Variants in IL1RAPL2 observed in about 807,000 individuals in gnomAD.
IL1RAPL2 encodes X-linked interleukin-1 receptor accessory protein-like 2.
In IL1RAPL2, 3 loss-of-function variants were observed where a neutral mutation model predicts 44.1. The observed-to-expected ratio is 0.07, with a 90% CI of 0.03 to 0.18. IL1RAPL2 has a LOEUF of 0.18. Ranked by LOEUF, IL1RAPL2 falls within the 10% of genes least tolerant of loss-of-function variation. IL1RAPL2 has a pLI of 1.00. For synonymous variants in IL1RAPL2, 181 were observed against 178.8 expected, an observed-to-expected ratio of 1.01 and a Z score of -0.10; for missense variants, 391 against 496.4, an observed-to-expected ratio of 0.79 and a Z score of 2.02.
At chrX:105,261,696 G>C (rs2034361108) in intron 4 of IL1RAPL2, among the ~76,000 whole-genome samples, 1 of 111,362 alleles carries the variant, frequency 9.0e-6, no homozygotes, top group Admixed American at 9.6e-5. Context: ...TCTTTCTGGT[G>C]TCCTTGTTTT....
At chrX:104,933,024 T>C (rs1468274715) in intron 2 of IL1RAPL2, among the ~76,000 whole-genome samples, 1 of 111,730 alleles carries the variant, frequency 9.0e-6, no homozygotes, top group Non-Finnish European at 1.9e-5. Flanking sequence ...ATGCTGATAA[T>C]TTGGATTGAC....
At chrX:105,142,196 CT>C (rs1376075059) in intron 2 of IL1RAPL2, among the ~76,000 whole-genome samples, 1 of 111,912 alleles carries the variant, frequency 8.9e-6, no homozygotes, top group African/African-American at 3.3e-5. Context: ...TATCTCCATC[CT>C]GATGATCCTA....
intron 2 of IL1RAPL2, among the ~76,000 whole-genome samples, chrX:104,929,856 A>G (rs73635167): frequency 3.1e-3 from 345 of 112,150 alleles, no homozygotes; most frequent in African/African-American, 0.011. Context: ...GCTTATAGAA[A>G]TGATGCCCTT....
intron 5 of IL1RAPL2, among the ~76,000 whole-genome samples, chrX:105,273,922 T>C (rs1268295725): frequency 8.9e-6 from 1 of 111,768 alleles, no homozygotes. Flanking sequence ...AACTAAAACT[T>C]AGGTGAAATG....
intron 5 of IL1RAPL2, among the ~76,000 whole-genome samples, chrX:105,289,835 T>C (rs772143301): frequency 2.7e-5 from 3 of 111,664 alleles, no homozygotes; most frequent in African/African-American, 9.8e-5. Flanking sequence ...ATCTATGATA[T>C]CACTGAAGAA....
chrX:104,814,504 A>T (rs933041511), intron 2 of IL1RAPL2, among the ~76,000 whole-genome samples: 1 of 112,472 alleles, frequency 8.9e-6, no homozygotes, highest in Non-Finnish European at 1.9e-5. Flanking sequence ...GCAGGCATGC[A>T]GTTTAGCCAC....
chrX:105,660,476 A>G (rs1046662137), intron 6 of IL1RAPL2, among the ~76,000 whole-genome samples: 5 of 111,507 alleles, frequency 4.5e-5, no homozygotes, highest in Non-Finnish European at 1.9e-5. Context: ...AAAAACACAG[A>G]ATATTACAAT....
chrX:104,566,381 C>T lies in IL1RAPL2; in HGVS notation c.-690C>T, dbSNP rs1928030249. On this transcript the variant is annotated 5_prime_UTR_variant, in exon 1 of 11. Transcript: ENST00000372582. ...TTCGGAACTAAGGGAGACTTGTGGG[C>T]TTTTGCACACTGGCTGTAGGGTTCC... The T allele has an allele frequency of 8.8e-6, 1 of 113,002 alleles. No individual in the cohort carries two copies. The highest frequency in any genetic ancestry group is 3.6e-4 in the South Asian group (1 of 2,764). 9.3% of individuals were successfully genotyped at this position (113,002 alleles called of 1,213,427 possible).
At chrX:105,141,423 G>A (rs1454721177) in intron 2 of IL1RAPL2, among the ~76,000 whole-genome samples, 2 of 110,659 alleles carry the variant, frequency 1.8e-5, no homozygotes, top group Non-Finnish European at 3.8e-5. Context: ...TCTTAAATTT[G>A]CAACTCAAAA....
At chrX:105,441,753 T>C (rs191302034) in intron 5 of IL1RAPL2, among the ~76,000 whole-genome samples, 1 of 111,851 alleles carries the variant, frequency 8.9e-6, no homozygotes, top group African/African-American at 3.2e-5. Context: ...CTGGATCTTA[T>C]GTAGAAGTAA....
chrX:105,655,219 C>A (rs1269848834), intron 6 of IL1RAPL2, among the ~76,000 whole-genome samples: 2 of 112,388 alleles, frequency 1.8e-5, no homozygotes, highest in Non-Finnish European at 3.8e-5. Flanking sequence ...GTGCTGGAAG[C>A]AAACATCTAT....
chrX:105,182,281 C>G (rs1429521051), intron 2 of IL1RAPL2, among the ~76,000 whole-genome samples: 1 of 110,652 alleles, frequency 9.0e-6, no homozygotes, highest in Admixed American at 9.6e-5. Context: ...TCCTTTAGAT[C>G]TAATAATATT....
At chrX:104,980,527 T>A (rs1488448104) in intron 2 of IL1RAPL2, among the ~76,000 whole-genome samples, 2 of 112,718 alleles carry the variant, frequency 1.8e-5, no homozygotes, top group African/African-American at 3.2e-5. Flanking sequence ...CATGTAAAGT[T>A]GGCCAAGACA....
intron 3 of IL1RAPL2, among the ~76,000 whole-genome samples, chrX:105,217,125 C>T (rs1294360157): frequency 4.6e-4 from 49 of 107,464 alleles, no homozygotes; most frequent in Non-Finnish European, 6.7e-4. Context: ...AACTAAAGAG[C>T]TTCTGCACAG....
At chrX:104,825,299 G>A (rs1353105634) in intron 2 of IL1RAPL2, among the ~76,000 whole-genome samples, 1 of 111,915 alleles carries the variant, frequency 8.9e-6, no homozygotes, top group Non-Finnish European at 1.9e-5. Flanking sequence ...TCTTTGAGAG[G>A]CCGCTAACAG....
chrX:104,809,501 G>T lies in IL1RAPL2; in HGVS notation c.82+150506G>T, dbSNP rs780984793. On this transcript the variant is annotated intron_variant, in intron 2 of 10. Coordinates refer to ENST00000372582, the MANE Select transcript of IL1RAPL2 (RefSeq NM_017416.2). ...AGTGATGGTGAGCATTTTTTCATGT[G>T]TTTTTTGGCTGCATAAATGTCTTCT... Among the ~76,000 whole-genome samples, 686 of 110,783 alleles carry T rather than the reference G, an allele frequency of 6.2e-3. 3 individuals are homozygous for T. The highest frequency in any genetic ancestry group is 0.022 in the African/African-American group (656 of 30,496).
rs782463271 is a variant in IL1RAPL2 at position 105,217,651 on chromosome X, A to T, written c.357-16167A>T. On this transcript the variant is annotated intron_variant, in intron 3 of 10. Coordinates refer to ENST00000372582, the MANE Select transcript of IL1RAPL2 (RefSeq NM_017416.2). ...TGCTGCCACAAAGACACATGCACAC[A>T]TATGTTTATTGCGGCACTATTCACA... is the stretch of plus-strand genomic sequence containing the variant. 1.8e-5 allele frequency among the ~76,000 whole-genome samples: 2 copies of T among 112,231 alleles called. 1 individual carries two copies. Among genetic ancestry groups the T allele is most frequent in the South Asian group, 7.5e-4 (2 of 2,655 alleles).
At chrX:105,485,700 C>T (rs760238160) in intron 6 of IL1RAPL2, among the ~76,000 whole-genome samples, 8 of 111,813 alleles carry the variant, frequency 7.2e-5, no homozygotes, top group African/African-American at 2.3e-4. Flanking sequence ...TAAGTGAGAA[C>T]GTGTGAAATT....
intron 2 of IL1RAPL2, among the ~76,000 whole-genome samples, chrX:104,865,746 C>A (rs1036291739): frequency 8.9e-6 from 1 of 112,792 alleles, no homozygotes; most frequent in African/African-American, 3.2e-5. Context: ...ACTCCAAGTT[C>A]TTCAGCTTTT....
Sources: gnomAD v4.1 joint callset for allele counts (sites outside exome capture counted in the v4.1 genomes callset) on GRCh38, gnomAD v4.1.1 for gene constraint, MANE v1.5 for transcripts, NCBI Gene and HGNC (gene_info 2026-07-23, HGNC 2026-07-21) for gene names.